Variants in FNIP1 observed in about 807,000 individuals in gnomAD.
FNIP1 encodes the protein folliculin-interacting protein 1.
In FNIP1, 40 loss-of-function variants were observed where a neutral mutation model predicts 124.5. The observed-to-expected ratio is 0.32, with a 90% confidence interval of 0.25 to 0.42. The LOEUF is 0.42. FNIP1 is among the 10% of genes least tolerant of loss of function. The pLI, the probability that FNIP1 is intolerant of heterozygous loss-of-function variation, is 1.00. For synonymous variants in FNIP1, 472 were observed against 470.6 expected (o/e 1.00, Z -0.04); for missense variants, 1,176 against 1,403.7 (o/e 0.84, Z 2.59).
At chr5:131,719,533 C>G (rs1769585581) in intron 3 of FNIP1, 116 bp from the exon 4 acceptor site, 1 of 898,414 alleles carries the variant, frequency 1.1e-6, no homozygotes, top group Non-Finnish European at 1.7e-6. Context: ...AGTTGTACTT[C>G]TACACTGTAT....
intron 1 of FNIP1, among the ~76,000 whole-genome samples, chr5:131,780,414 T>C (rs1771957252): frequency 6.6e-6 from 1 of 152,168 alleles, no homozygotes; most frequent in South Asian, 2.1e-4. Flanking sequence ...TATGTAGGCA[T>C]CTTATTTTAT....
At chr5:131,728,221 C>T (rs1163751118) in intron 3 of FNIP1, among the ~76,000 whole-genome samples, 1 of 152,096 alleles carries the variant, frequency 6.6e-6, no homozygotes, top group Non-Finnish European at 1.5e-5. Flanking sequence ...TTAATGTTAG[C>T]CTGTCTTGCT....
intron 3 of FNIP1, among the ~76,000 whole-genome samples, chr5:131,727,385 C>A (rs1289386330): frequency 6.6e-6 from 1 of 152,020 alleles, no homozygotes; most frequent in Non-Finnish European, 1.5e-5. Flanking sequence ...TTACACTGAT[C>A]CCTATTGTTG....
chr5:131,653,725 T>G (rs552782496), intron 15 of FNIP1, among the ~76,000 whole-genome samples: 5 of 152,218 alleles, frequency 3.3e-5, no homozygotes, highest in Non-Finnish European at 1.5e-5. Flanking sequence ...ATCTTTATAC[T>G]GTTTGAACTT....
chr5:131,760,468 T>C (rs570236445), intron 1 of FNIP1, among the ~76,000 whole-genome samples: 1 of 152,250 alleles, frequency 6.6e-6, no homozygotes, highest in South Asian at 2.1e-4. Context: ...AACCTGTAAA[T>C]AAATACCAGT....
At chr5:131,716,698 T>A in intron 5 of FNIP1, 42 bp from the exon 6 acceptor site, 2 of 1,303,642 alleles carry the variant, frequency 1.5e-6, no homozygotes, top group South Asian at 2.6e-5. Flanking sequence ...ATTCATTTTA[T>A]GGTTTAAGGA....
At chr5:131,735,658 A>T in intron 2 of FNIP1, among the ~76,000 whole-genome samples, 1 of 149,852 alleles carries the variant, frequency 6.7e-6, no homozygotes, top group East Asian at 1.9e-4. Flanking sequence ...GCACATATAT[A>T]TGTATATATA....
At position 131,661,220 on chromosome 5, in the gene FNIP1, T is replaced by TGTGTGTGTGTG. The variant is rs1554092139; in HGVS notation, c.3109-9222_3109-9221insCACACACACAC. Among the ~76,000 whole-genome samples, 1,229 of 147,712 alleles carry TGTGTGTGTGTG rather than the reference T, an allele frequency of 8.3e-3. 33 individuals are homozygous for TGTGTGTGTGTG. The highest frequency in any genetic ancestry group is 0.028 in the African/African-American group (1,100 of 39,668). On this transcript the variant is annotated intron_variant, in intron 15 of 17. Transcript: ENST00000510461. ...ACCTTCTGTCCGTCTTGTCTTTGTT[T>TGTGTGTGTGTG]TGTGTGTGTGTGTGTGTGTGTGTGT...
intron 1 of FNIP1, among the ~76,000 whole-genome samples, chr5:131,754,462 G>C (rs1770979425): frequency 6.6e-6 from 1 of 152,242 alleles, no homozygotes; most frequent in African/African-American, 2.4e-5. Flanking sequence ...TCAAAGCTGG[G>C]TTTAGATTCC....
intron 11 of FNIP1, among the ~76,000 whole-genome samples, chr5:131,690,603 T>A (rs987241402): frequency 7.2e-5 from 11 of 152,178 alleles, no homozygotes; most frequent in Admixed American, 3.3e-4. Flanking sequence ...ATTACGAGTT[T>A]CCTGAGGCCT....
At chr5:131,678,860 G>A (rs987980188) in intron 12 of FNIP1, among the ~76,000 whole-genome samples, 169 bp downstream of exon 12, 3 of 151,862 alleles carry the variant, frequency 2.0e-5, no homozygotes, top group Non-Finnish European at 2.9e-5. Context: ...CATTCATAAG[G>A]TTCTGTAATA....
chr5:131,709,364 A>G, intron 7 of FNIP1, 92 bp from the exon 8 acceptor site: 8 of 1,024,462 alleles, frequency 7.8e-6, no homozygotes, highest in Non-Finnish European at 1.2e-5. Context: ...AATCATGCTC[A>G]TCTCATTGCA....
chr5:131,746,502 C>T (rs1770686370), intron 1 of FNIP1, among the ~76,000 whole-genome samples: 1 of 152,158 alleles, frequency 6.6e-6, no homozygotes, highest in African/African-American at 2.4e-5. Context: ...GTTTAGCTCC[C>T]ACTTATAACT....
Position 131,671,933 on chromosome 5 carries a change from T to A in FNIP1, c.2511A>T (p.Glu837Asp). The part of the protein sequence containing the change: ...SDPESMSLFD[E>D]YFNDDSIETR... ...TTTCGATTGAATCATCATTAAAATA[T>A]TCGTCGAATAAGCTCATGCTTTCTG... The change falls in exon 14 of 18, where the codon GAA becomes GAT. Residue 837 changes from glutamate (E) to aspartate (D), a missense_variant. Physicochemically the swap from Glu to Asp is conservative, Grantham distance 45. This residue lies in a region of FNIP1 where 1,109 missense variants were observed against 1,288.5 expected (regional missense o/e 0.86). Coordinates refer to ENST00000510461, the MANE Select transcript of FNIP1 (RefSeq NM_133372.3). The A allele has an allele frequency of 6.2e-7, 1 of 1,614,240 alleles. No homozygotes were observed. Among genetic ancestry groups the A allele is most frequent in the Non-Finnish European group, 8.5e-7 (1 of 1,180,040 alleles).
At chr5:131,761,240 C>T (rs1384087022) in intron 1 of FNIP1, among the ~76,000 whole-genome samples, 2 of 152,132 alleles carry the variant, frequency 1.3e-5, no homozygotes, top group African/African-American at 2.4e-5. Context: ...ATCATTCCCT[C>T]TGTAAAACAT....
chr5:131,760,827 G>A (rs577741710), intron 1 of FNIP1, among the ~76,000 whole-genome samples: 1 of 147,118 alleles, frequency 6.8e-6, no homozygotes, highest in East Asian at 2.1e-4. Context: ...CCACCACCAA[G>A]CAGTGAAAAA....
chr5:131,703,225 C>T (rs1768960852), intron 10 of FNIP1, among the ~76,000 whole-genome samples: 1 of 152,162 alleles, frequency 6.6e-6, no homozygotes, highest in Non-Finnish European at 1.5e-5. Context: ...TATCTAGAAT[C>T]CAACTCTTTC....
chr5:131,796,033 A>G (rs963260256), intron 1 of FNIP1: 1 of 152,232 alleles, frequency 6.6e-6, no homozygotes, highest in African/African-American at 2.4e-5. Flanking sequence ...CTGAAAAGTT[A>G]CTCTGCCAGC....
At position 131,672,248 on chromosome 5, in the gene FNIP1, T is replaced by G. The variant is rs201816128; in HGVS notation, c.2196A>C (p.Lys732Asn). 3.2e-5 allele frequency: 52 copies of G among 1,613,848 alleles called. No individual in the cohort carries two copies. The highest frequency in any genetic ancestry group is 4.2e-5 in the Non-Finnish European group (50 of 1,179,946). The change falls in exon 14 of 18, where the codon AAA (lysine) becomes AAC (asparagine). Residue 732 changes from lysine (K) to asparagine (N), a missense_variant. Physicochemically the swap from Lys to Asn is moderately conservative, Grantham distance 94. Transcript: ENST00000510461. Reference sequence around the variant, plus strand: ...AAGCAGGCACAATCTTATCTGGAGGTTTTTTTTCCACAACCATTCCTGTGG... The same window carrying G: ...AAGCAGGCACAATCTTATCTGGAGGGTTTTTTTCCACAACCATTCCTGTGG... ...MRSTGMVVEK[K>N]PPDKIVPASF...
Sources: allele counts gnomAD v4.1 joint callset (sites outside exome capture counted in the v4.1 genomes callset), GRCh38; gene constraint gnomAD v4.1.1; regional missense constraint gnomAD v4.1.1; transcripts MANE v1.5; gene names NCBI Gene and HGNC (gene_info 2026-07-23, HGNC 2026-07-21).